The following PPP2R5E variants were observed in gnomAD, a reference collection of about 807,000 sequenced individuals.
PPP2R5E encodes the protein serine/threonine-protein phosphatase 2A 56 kDa regulatory subunit epsilon isoform.
Under a neutral mutation model 65.3 loss-of-function variants are expected in PPP2R5E, and 4 were observed. That is an observed-to-expected ratio of 0.06 (90% CI 0.03 to 0.14). The LOEUF is 0.14. Among genes scored for constraint, PPP2R5E ranks in the 10% least tolerant of loss-of-function variants. The probability of loss-of-function intolerance (pLI) is 1.00; values close to 1 mark genes in which losing one functional copy is unlikely to be tolerated. For missense variants in PPP2R5E, 274 were observed against 556.1 expected, an observed-to-expected ratio of 0.49 and a Z score of 5.10; for synonymous variants, 183 against 187.4, an observed-to-expected ratio of 0.98 and a Z score of 0.19.
At chr14:63,521,381 T>C (rs1412480945) in intron 2 of PPP2R5E, among the ~76,000 whole-genome samples, 2 of 151,988 alleles carry the variant, frequency 1.3e-5, no homozygotes, top group South Asian at 2.1e-4. Flanking sequence ...AAAACACCAG[T>C]TAGTTGGCCG....
In PPP2R5E at chr14:63,444,787, G is replaced by A. The variant is rs576434984; in HGVS notation, c.354+8902C>T. 4.6e-5 allele frequency among the ~76,000 whole-genome samples: 7 copies of A among 152,252 alleles called. No individual in the cohort carries two copies. In the South Asian group the frequency reaches 1.2e-3, roughly 27 times the overall value. ...ATGTGGTTAAAAAAAATATGCCTCA[G>A]GGACAGACACCTGACACTTGAGATG... On this transcript the variant is annotated intron_variant, in intron 3 of 13. Coordinates refer to ENST00000337537, the MANE Select transcript of PPP2R5E (RefSeq NM_006246.5).
At position 63,421,896 on chromosome 14, in the gene PPP2R5E, G is replaced by T; in HGVS notation, c.456+97C>A. 4.4e-6 allele frequency: 4 copies of T among 899,574 alleles called. No homozygotes were observed. In the South Asian group the frequency reaches 4.6e-5, roughly 10 times the overall value. The allele number at this position is 899,574 out of a possible 1,614,324, so 55.7% of individuals were successfully genotyped here. On this transcript the variant is annotated intron_variant, in intron 4 of 13. Coordinates refer to ENST00000337537, the MANE Select transcript of PPP2R5E (RefSeq NM_006246.5). ...ACTTTCCATTAGTGTACTCTAATTT[G>T]ATTTCTTGGTGAATAAAGCCCTTCA...
rs748194580 is a variant in PPP2R5E, at chr14:63,384,506, A to G, written c.1140T>C (p.Ser380=). 1.1e-5 allele frequency: 18 copies of G among 1,613,908 alleles called. No individual in the cohort carries two copies. In the Admixed American group the frequency reaches 1.5e-4, roughly 13 times the overall value. ...EYIMSLIEEN[S]NVILPIMFSS... is the part of the protein sequence containing the mutation. ...AAAACATGATGGGAAGGATGACGTT[A>G]GAGTTTTCTTCTATCAAACTCATGA... The change falls in exon 12 of 14, where the codon TCT becomes TCC. Residue 380 remains serine (S), a synonymous_variant. Transcript: ENST00000337537.
At chr14:63,432,241 C>A (rs1332956964) in intron 3 of PPP2R5E, among the ~76,000 whole-genome samples, 1 of 152,184 alleles carries the variant, frequency 6.6e-6, no homozygotes, top group Non-Finnish European at 1.5e-5. Flanking sequence ...CAGATTTACA[C>A]AGACCAAAAA....
At chr14:63,513,276 A>C (rs1445215900) in intron 2 of PPP2R5E, among the ~76,000 whole-genome samples, 4 of 152,180 alleles carry the variant, frequency 2.6e-5, no homozygotes, top group African/African-American at 9.6e-5. Context: ...TGTATTCAAA[A>C]TACACACTGC....
chr14:63,479,717 C>A, intron 2 of PPP2R5E, among the ~76,000 whole-genome samples: 1 of 151,798 alleles, frequency 6.6e-6, no homozygotes, highest in African/African-American at 2.4e-5. Flanking sequence ...AATGGGAGAA[C>A]CTAAAAAAAA....
chr14:63,381,482 G>A (rs570618477), intron 13 of PPP2R5E, among the ~76,000 whole-genome samples: 1 of 152,238 alleles, frequency 6.6e-6, no homozygotes, highest in African/African-American at 2.4e-5. Flanking sequence ...TAAATGCTGG[G>A]CTCTTAACCC....
intron 13 of PPP2R5E, among the ~76,000 whole-genome samples, chr14:63,379,421 G>C (rs1884182410): frequency 6.6e-6 from 1 of 152,140 alleles, no homozygotes; most frequent in Non-Finnish European, 1.5e-5. Context: ...ACAGGCATGT[G>C]CCTCCACGCC....
At chr14:63,384,621 A>C (rs766897672) in intron 11 of PPP2R5E, 50 bp from the exon 12 acceptor site, 16 of 1,473,956 alleles carry the variant, frequency 1.1e-5, no homozygotes, top group South Asian at 5.0e-5. Flanking sequence ...AGACAAAGAT[A>C]AAACAAAATT....
At chr14:63,437,156 A>C (rs913229335) in intron 3 of PPP2R5E, among the ~76,000 whole-genome samples, 1 of 152,216 alleles carries the variant, frequency 6.6e-6, no homozygotes, top group African/African-American at 2.4e-5. Context: ...TGCCATGGCA[A>C]TGTCAAGAAG....
intron 3 of PPP2R5E, among the ~76,000 whole-genome samples, chr14:63,428,416 C>T (rs1050450652): frequency 6.6e-6 from 1 of 152,174 alleles, no homozygotes; most frequent in Non-Finnish European, 1.5e-5. Context: ...ATATTTGGGA[C>T]TGTCTTATAC....
At chr14:63,394,974 T>A (rs1885238104) in intron 7 of PPP2R5E, among the ~76,000 whole-genome samples, 1 of 152,230 alleles carries the variant, frequency 6.6e-6, no homozygotes, top group Admixed American at 6.5e-5. Context: ...AGATGTACCA[T>A]CTTTCTAGTA....
chr14:63,453,937 A>G (rs770228744), intron 2 of PPP2R5E, 52 bp from the exon 3 acceptor site: 1 of 1,333,238 alleles, frequency 7.5e-7, no homozygotes. Flanking sequence ...TCCAGGTAAC[A>G]GGAATTCTCT....
At chr14:63,524,539 C>G (rs751173295) in intron 2 of PPP2R5E, among the ~76,000 whole-genome samples, 29 of 152,178 alleles carry the variant, frequency 1.9e-4, no homozygotes, top group Admixed American at 5.2e-4. Context: ...TAGACTTGAA[C>G]CCAGACCCTT....
chr14:63,399,682 CA>C (rs1885634197), intron 5 of PPP2R5E, among the ~76,000 whole-genome samples: 1 of 152,030 alleles, frequency 6.6e-6, no homozygotes, highest in African/African-American at 2.4e-5. Context: ...AGTCAGTGTG[CA>C]AGTTCCTCTG....
At position 63,463,871 on chromosome 14, in the gene PPP2R5E, C is replaced by G. The variant is rs1889636024; in HGVS notation, c.158-9986G>C. On this transcript the variant is annotated intron_variant, in intron 2 of 13. Transcript: ENST00000337537. ...TCGGCCTCCCAAAGTGCTGGGATTA[C>G]AGGCGTGAGCCATCGCGCCCGGCCG... Among the ~76,000 whole-genome samples the G allele has an allele frequency of 3.9e-5, 6 of 152,172 alleles. No individual in the cohort carries two copies. In the South Asian group the frequency reaches 1.2e-3, roughly 31 times the overall value.
chr14:63,377,972 T>A (rs1884086767), intron 13 of PPP2R5E, among the ~76,000 whole-genome samples: 1 of 152,196 alleles, frequency 6.6e-6, no homozygotes, highest in South Asian at 2.1e-4. Flanking sequence ...GCTCAAGCAA[T>A]CCTCTTGCCT....
intron 5 of PPP2R5E, among the ~76,000 whole-genome samples, chr14:63,403,100 T>C (rs971398486): frequency 6.6e-6 from 1 of 152,106 alleles, no homozygotes; most frequent in African/African-American, 2.4e-5. Context: ...TCTGGGAAAG[T>C]TCCAAATTTA....
At position 63,520,308 on chromosome 14, in the gene PPP2R5E, T is replaced by C. The variant is rs1051500557; in HGVS notation, c.157+19221A>G. ...CCTCGGCCTCCCAAAGTGCTGGGAT[T>C]ACAGGTGTGAGCCACCGCGCCCAGC... is the stretch of plus-strand genomic sequence containing the variant. On this transcript the variant is annotated intron_variant, in intron 2 of 13. Coordinates refer to ENST00000337537, the MANE Select transcript of PPP2R5E (RefSeq NM_006246.5). 3.9e-5 allele frequency among the ~76,000 whole-genome samples: 6 copies of C among 152,320 alleles called. No homozygotes were observed. The East Asian group carries it at 1.2e-3, about 29-fold the overall frequency.
Sources: gnomAD v4.1 joint callset for allele counts (sites outside exome capture counted in the v4.1 genomes callset) on GRCh38, gnomAD v4.1.1 for gene constraint, MANE v1.5 for transcripts, NCBI Gene and HGNC (gene_info 2026-07-23, HGNC 2026-07-21) for gene names.